The following ZFHX3 variants were observed in gnomAD, a reference collection of about 807,000 sequenced individuals.
ZFHX3 encodes the protein zinc finger homeobox protein 3.
A neutral mutation model predicts 279.1 loss-of-function variants in ZFHX3; 42 were observed. That is an observed-to-expected ratio of 0.15 (90% confidence interval 0.12 to 0.19). ZFHX3 has a LOEUF of 0.19. Among genes scored for constraint, ZFHX3 ranks in the 10% least tolerant of loss-of-function variants. The pLI, the probability that ZFHX3 is intolerant of heterozygous loss-of-function variation, is 1.00. For missense variants in ZFHX3, 4,981 were observed against 4,754.0 expected, an observed-to-expected ratio of 1.05 and a Z score of -1.40; for synonymous variants, 2,293 against 1,957.8, an observed-to-expected ratio of 1.17 and a Z score of -4.52.
chr16:73,408,234 G>C (rs775249982), intron 3 of ZFHX3, among the ~76,000 whole-genome samples: 8 of 151,918 alleles, frequency 5.3e-5, no homozygotes, highest in Admixed American at 2.6e-4. Flanking sequence ...AGAAAGAAAA[G>C]TCTATTGTTG....
intron 1 of ZFHX3, among the ~76,000 whole-genome samples, chr16:73,790,400 TG>T (rs1421246898): frequency 1.3e-5 from 2 of 152,152 alleles, no homozygotes; most frequent in Admixed American, 1.3e-4. Flanking sequence ...TTTACAAAAG[TG>T]GGTATCTGTT....
intron 5 of ZFHX3, among the ~76,000 whole-genome samples, chr16:73,195,498 A>AG (rs1385426687): frequency 6.9e-6 from 1 of 144,072 alleles, no homozygotes; most frequent in Admixed American, 7.5e-5. Context: ...GGCTCACTAC[A>AG]ACCTCCGCCA....
intron 1 of ZFHX3, among the ~76,000 whole-genome samples, chr16:73,726,323 A>G (rs1269686821): frequency 6.6e-6 from 1 of 152,186 alleles, no homozygotes; most frequent in Non-Finnish European, 1.5e-5. Flanking sequence ...CAGAGGACAT[A>G]TTGCTGCCAA....
intron 5 of ZFHX3, among the ~76,000 whole-genome samples, chr16:73,172,988 G>GTTTTTTTT (rs1296855983): frequency 2.2e-5 from 1 of 46,170 alleles, no homozygotes. Context: ...TGATGGGACT[G>GTTTTTTTT]TTTTTTTGTT....
intron 1 of ZFHX3, among the ~76,000 whole-genome samples, chr16:73,741,985 G>A (rs895529129): frequency 6.6e-6 from 1 of 152,146 alleles, no homozygotes; most frequent in African/African-American, 2.4e-5. Flanking sequence ...GAATAAACCA[G>A]AAGTCCAGCT....
In ZFHX3 at chr16:73,598,540, C is replaced by T. The variant is rs541118940; in HGVS notation, c.-1547+81640G>A. ...TCAAGCAATCCTTCCATCTCACCCT[C>T]CTGAGTAGCTAGGACCACAAGCACG... On this transcript the variant is annotated intron_variant, in intron 2 of 17. Transcript: ENST00000641206. 4.0e-5 allele frequency among the ~76,000 whole-genome samples: 6 copies of T among 151,674 alleles called. No homozygotes were observed. In the South Asian group the frequency reaches 1.3e-3, roughly 32 times the overall value.
chr16:73,765,367 G>A (rs931589628), intron 1 of ZFHX3, among the ~76,000 whole-genome samples: 1 of 152,148 alleles, frequency 6.6e-6, no homozygotes, highest in African/African-American at 2.4e-5. Context: ...TGTGTATATG[G>A]GGGAAATATG....
intron 2 of ZFHX3, among the ~76,000 whole-genome samples, chr16:73,665,887 C>A (rs565101178): frequency 2.0e-5 from 3 of 147,796 alleles, no homozygotes; most frequent in African/African-American, 7.6e-5. Context: ...GTCGCCCAGG[C>A]TCACTGCAAG....
intron 1 of ZFHX3, among the ~76,000 whole-genome samples, chr16:73,034,309 T>C (rs1964820859): frequency 6.6e-6 from 1 of 151,962 alleles, no homozygotes; most frequent in Non-Finnish European, 1.5e-5. Context: ...AAATAAACAC[T>C]AAGAGAAGAA....
At chr16:73,712,311 C>T (rs1156279152) in intron 1 of ZFHX3, among the ~76,000 whole-genome samples, 1 of 152,184 alleles carries the variant, frequency 6.6e-6, no homozygotes, top group East Asian at 1.9e-4. Context: ...GTCAGATGTC[C>T]AAGCTGCCCT....
intron 1 of ZFHX3, among the ~76,000 whole-genome samples, chr16:73,718,719 G>A (rs1273610718): frequency 2.6e-5 from 4 of 151,704 alleles, no homozygotes; most frequent in South Asian, 2.1e-4. Flanking sequence ...GGGTTCAAGC[G>A]ATTCTTCTGC....
chr16:73,791,656 C>T (rs908718876), intron 1 of ZFHX3, among the ~76,000 whole-genome samples: 8 of 152,056 alleles, frequency 5.3e-5, no homozygotes, highest in Non-Finnish European at 1.0e-4. Flanking sequence ...ATCTCCTGAC[C>T]TCGTGTTCCG....
chr16:73,509,499 A>C (rs2019385979), intron 2 of ZFHX3, among the ~76,000 whole-genome samples: 2 of 146,700 alleles, frequency 1.4e-5, no homozygotes, highest in African/African-American at 5.0e-5. Context: ...TGGTCCAGAC[A>C]GTTTAGCTTT....
intron 1 of ZFHX3, among the ~76,000 whole-genome samples, chr16:73,869,286 A>C (rs928688584): frequency 2.0e-5 from 3 of 152,246 alleles, no homozygotes; most frequent in African/African-American, 7.2e-5. Flanking sequence ...AGCCCCGACC[A>C]CCCAAATCAA....
intron 2 of ZFHX3, among the ~76,000 whole-genome samples, chr16:73,588,193 C>G (rs149421616): frequency 8.9e-4 from 136 of 152,052 alleles, no homozygotes; most frequent in African/African-American, 3.0e-3. Context: ...AAATTAGCAA[C>G]TATATTAAAA....
At chr16:73,473,367 AAAAAAC>A (rs2018709090) in intron 2 of ZFHX3, among the ~76,000 whole-genome samples, 10 of 114,848 alleles carry the variant, frequency 8.7e-5, no homozygotes, top group African/African-American at 3.1e-4. Flanking sequence ...ACAAAAAAAA[AAAAAAC>A]AAAATAATAA....
chr16:73,628,415 GC>G (rs1462208049), intron 2 of ZFHX3, among the ~76,000 whole-genome samples: 1 of 152,156 alleles, frequency 6.6e-6, no homozygotes, highest in African/African-American at 2.4e-5. Context: ...AAGGGCTGCA[GC>G]CAAAATGAGC....
chr16:73,315,880 GA>G (rs2015435883), intron 4 of ZFHX3, among the ~76,000 whole-genome samples: 1 of 152,158 alleles, frequency 6.6e-6, no homozygotes, highest in South Asian at 2.1e-4. Flanking sequence ...GCCCCCCTGG[GA>G]GTTGCAAGGA....
intron 4 of ZFHX3, among the ~76,000 whole-genome samples, chr16:73,291,396 C>G (rs1242731397): frequency 6.6e-6 from 1 of 152,214 alleles, no homozygotes; most frequent in Non-Finnish European, 1.5e-5. Flanking sequence ...AACATTTTCT[C>G]TGGAATGAAG....
Sources: gnomAD v4.1 joint callset for allele counts (sites outside exome capture counted in the v4.1 genomes callset) on GRCh38, gnomAD v4.1.1 for gene constraint, MANE v1.5 for transcripts, NCBI Gene and HGNC (gene_info 2026-07-23, HGNC 2026-07-21) for gene names.